SUSD5: variants seen among roughly 807,000 people sequenced by gnomAD.
The protein encoded by SUSD5 is sushi domain containing 5.
A neutral mutation model predicts 29.5 loss-of-function variants in SUSD5; 33 were observed. The observed-to-expected ratio is 1.12, with a 90% confidence interval of 0.85 to 1.49. SUSD5 has a LOEUF of 1.49. SUSD5 is among the 40% of genes most tolerant of loss of function. SUSD5 has a pLI of 0.00. For missense variants in SUSD5, 776 were observed against 800.6 expected, an observed-to-expected ratio of 0.97 and a Z score of 0.37; for synonymous variants, 308 against 325.3, an observed-to-expected ratio of 0.95 and a Z score of 0.57.
chr3:33,172,942 A>G (rs563097407), intron 4 of SUSD5, among the ~76,000 whole-genome samples: 2 of 152,388 alleles, frequency 1.3e-5, no homozygotes, highest in Non-Finnish European at 2.9e-5. Flanking sequence ...AGAAAACTAC[A>G]AAACCAACTC....
At chr3:33,193,037 T>C (rs2125627181) in intron 3 of SUSD5, among the ~76,000 whole-genome samples, 1 of 152,234 alleles carries the variant, frequency 6.6e-6, no homozygotes, top group East Asian at 1.9e-4. Context: ...GTTTTTTGCA[T>C]ATGAGCCTCC....
At chr3:33,173,298 T>C (rs1267770721) in intron 4 of SUSD5, among the ~76,000 whole-genome samples, 1 of 152,192 alleles carries the variant, frequency 6.6e-6, no homozygotes, top group Non-Finnish European at 1.5e-5. Flanking sequence ...GCAAATACTT[T>C]AGAGAACACT....
intron 4 of SUSD5, among the ~76,000 whole-genome samples, chr3:33,173,324 G>A (rs1219909943): frequency 6.6e-6 from 1 of 152,216 alleles, no homozygotes; most frequent in Non-Finnish European, 1.5e-5. Context: ...AGCATCAGCT[G>A]CAGCTGAACA....
chr3:33,169,206 G>A (rs956900135), intron 4 of SUSD5, among the ~76,000 whole-genome samples: 56 of 152,232 alleles, frequency 3.7e-4, no homozygotes, highest in African/African-American at 1.1e-3. Flanking sequence ...ATACACCTGT[G>A]ACAGTTCAGA....
Position 33,153,601 on chromosome 3 carries a change from T to C in SUSD5, c.1031A>G (p.Asp344Gly). ...PETKVIYGNT[D>G]GPSGPFVGKN... The stretch of plus-strand genomic sequence containing the variant: ...GCCCACAAATGGCCCCGAGGGACCA[T>C]CAGTGTTGCCGTAGATCACCTTGGT... Residue 344 changes from aspartate (D) to glycine (G), a missense_variant, in exon 5 of 5, where the codon GAT becomes GGT. By Grantham distance (94) the Asp-to-Gly change is moderately conservative. Transcript: ENST00000309558. 6.2e-7 allele frequency: 1 copy of C among 1,614,004 alleles called. No individual in the cohort carries two copies. The highest frequency in any genetic ancestry group is 8.5e-7 in the Non-Finnish European group (1 of 1,179,894).
At chr3:33,161,081 A>C (rs1343980735) in intron 4 of SUSD5, among the ~76,000 whole-genome samples, 3 of 152,236 alleles carry the variant, frequency 2.0e-5, no homozygotes, top group Non-Finnish European at 4.4e-5. Flanking sequence ...TACTCTATGA[A>C]AATGTCATAG....
At chr3:33,216,296 A>C (rs1027079311) in intron 1 of SUSD5, among the ~76,000 whole-genome samples, 1 of 152,182 alleles carries the variant, frequency 6.6e-6, no homozygotes, top group Non-Finnish European at 1.5e-5. Context: ...TAATTTTAAA[A>C]TCTGAATACT....
intron 3 of SUSD5, among the ~76,000 whole-genome samples, chr3:33,198,177 T>C (rs1322976174): frequency 3.3e-5 from 5 of 152,240 alleles, no homozygotes; most frequent in Admixed American, 6.5e-5. Flanking sequence ...ATACTAATCA[T>C]AGTCATAGCT....
intron 4 of SUSD5, among the ~76,000 whole-genome samples, chr3:33,164,199 T>C (rs1357228962): frequency 2.0e-5 from 3 of 151,928 alleles, no homozygotes; most frequent in East Asian, 1.9e-4. Flanking sequence ...TATATAGATA[T>C]AGATATATAG....
chr3:33,200,381 CAAATACCTAAA>C (rs2032092938), intron 3 of SUSD5, among the ~76,000 whole-genome samples: 1 of 152,170 alleles, frequency 6.6e-6, no homozygotes, highest in South Asian at 2.1e-4. Flanking sequence ...TTTGCTGTAA[CAAATACCTAAA>C]AATATGGATT....
intron 3 of SUSD5, among the ~76,000 whole-genome samples, chr3:33,200,074 C>T (rs1461643944): frequency 6.6e-6 from 1 of 152,174 alleles, no homozygotes; most frequent in Admixed American, 6.5e-5. Flanking sequence ...TATAGCCATA[C>T]AAGACAGAGC....
intron 4 of SUSD5, among the ~76,000 whole-genome samples, chr3:33,161,589 A>G (rs930116562): frequency 2.6e-5 from 4 of 152,186 alleles, no homozygotes; most frequent in African/African-American, 9.6e-5. Context: ...CAGCTTGTAT[A>G]AAGAAACAGA....
intron 4 of SUSD5, chr3:33,168,595 G>A (rs1349037316): frequency 1.0e-6 from 1 of 985,284 alleles, no homozygotes; most frequent in Non-Finnish European, 1.2e-6. Flanking sequence ...TCAGGGCCCT[G>A]GAGGCAGCAC....
chr3:33,199,474 C>T (rs900730421), intron 3 of SUSD5, among the ~76,000 whole-genome samples: 13 of 152,132 alleles, frequency 8.5e-5, no homozygotes, highest in Non-Finnish European at 1.5e-4. Flanking sequence ...AGGGTTTCAC[C>T]GTGTTAGCCA....
At chr3:33,157,713 C>G (rs893439757) in intron 4 of SUSD5, among the ~76,000 whole-genome samples, 3 of 152,150 alleles carry the variant, frequency 2.0e-5, no homozygotes, top group African/African-American at 7.2e-5. Context: ...TGTTGCATAC[C>G]TTTGCTCTCT....
Position 33,188,954 on chromosome 3 carries a change from G to T in SUSD5, c.410-13880C>A, listed in dbSNP as rs1003878148. Among the ~76,000 whole-genome samples, 5 of 152,114 alleles carry T rather than the reference G, an allele frequency of 3.3e-5. No homozygotes were observed. In the East Asian group the frequency reaches 9.6e-4, roughly 29 times the overall value. On this transcript the variant is annotated intron_variant, in intron 3 of 4. Coordinates refer to ENST00000309558, the MANE Select transcript of SUSD5 (RefSeq NM_015551.2). Reference sequence around the variant, plus strand: ...AATTTATTCAGCATGAGGTATAAGTGGTTGAAAATTATTCACAACCTCTCC... The same window carrying T: ...AATTTATTCAGCATGAGGTATAAGTTGTTGAAAATTATTCACAACCTCTCC...
At chr3:33,208,902 T>C (rs1014149869) in intron 2 of SUSD5, among the ~76,000 whole-genome samples, 1 of 152,190 alleles carries the variant, frequency 6.6e-6, no homozygotes, top group South Asian at 2.1e-4. Flanking sequence ...GGTCCACATA[T>C]TTACTCCTTC....
chr3:33,154,126 G>A, intron 4 of SUSD5, 93 bp from the exon 5 acceptor site: 1 of 1,058,516 alleles, frequency 9.4e-7, no homozygotes, highest in East Asian at 2.6e-5. Flanking sequence ...TAAAGGCTGG[G>A]ACAGAATAAA....
chr3:33,162,966 T>C (rs929777265), intron 4 of SUSD5, among the ~76,000 whole-genome samples: 1 of 141,972 alleles, frequency 7.0e-6, no homozygotes, highest in Non-Finnish European at 1.5e-5. Flanking sequence ...TCTGATGAAA[T>C]AGAAAAATTT....
Sources: allele counts gnomAD v4.1 joint callset (sites outside exome capture counted in the v4.1 genomes callset), GRCh38; gene constraint gnomAD v4.1.1; transcripts MANE v1.5; gene names NCBI Gene and HGNC (gene_info 2026-07-23, HGNC 2026-07-21).